GALNTL6: variants seen among roughly 807,000 people sequenced by gnomAD.
The protein encoded by GALNTL6 is polypeptide N-acetylgalactosaminyltransferase like 6, also known as polypeptide N-acetylgalactosaminyltransferase-like 6.
GALNTL6 carries 46 observed loss-of-function variants against 73.7 expected under a neutral mutation model. The observed-to-expected ratio is 0.62, with a 90% CI of 0.49 to 0.80. GALNTL6 has a LOEUF of 0.80. GALNTL6 is among the 30% of genes least tolerant of loss of function. The pLI is 0.00. For missense variants in GALNTL6, 604 were observed against 755.0 expected (o/e 0.80, Z 2.34); for synonymous variants, 259 against 263.7 (o/e 0.98, Z 0.17).
chr4:172,401,517 T>G (rs1428951746), intron 5 of GALNTL6, among the ~76,000 whole-genome samples: 1 of 152,264 alleles, frequency 6.6e-6, no homozygotes, highest in South Asian at 2.1e-4. Context: ...CATAAAAAAT[T>G]TCCCAGTCAC....
intron 5 of GALNTL6, among the ~76,000 whole-genome samples, chr4:172,369,571 G>A (rs1013935556): frequency 1.3e-5 from 2 of 152,204 alleles, no homozygotes; most frequent in Non-Finnish European, 2.9e-5. Flanking sequence ...ACCCTGGGGG[G>A]CGGGGCTTGG....
At chr4:172,724,779 A>T (rs2118442) in intron 5 of GALNTL6, among the ~76,000 whole-genome samples, 67,286 of 152,086 alleles carry the variant, frequency 0.44, 17,540 homozygotes, top group East Asian at 0.68. Context: ...AATAGAAATG[A>T]TTCAGAAACC....
chr4:172,685,948 T>C (rs1456692322), intron 5 of GALNTL6, among the ~76,000 whole-genome samples: 1 of 152,110 alleles, frequency 6.6e-6, no homozygotes, highest in Non-Finnish European at 1.5e-5. Flanking sequence ...AAGTTAGATA[T>C]TAAACATAAG....
At chr4:172,717,361 C>G (rs972769399) in intron 5 of GALNTL6, among the ~76,000 whole-genome samples, 2 of 152,146 alleles carry the variant, frequency 1.3e-5, no homozygotes, top group Non-Finnish European at 2.9e-5. Context: ...CAAATTTGAT[C>G]TTTATTAAAC....
intron 8 of GALNTL6, among the ~76,000 whole-genome samples, chr4:172,905,508 G>T (rs555807267): frequency 4.5e-4 from 68 of 152,112 alleles, no homozygotes; most frequent in Non-Finnish European, 8.8e-4. Flanking sequence ...TAGTTCTAAA[G>T]AACAAATTCA....
intron 2 of GALNTL6, among the ~76,000 whole-genome samples, chr4:172,178,398 T>C (rs913340467): frequency 6.6e-6 from 1 of 152,172 alleles, no homozygotes; most frequent in African/African-American, 2.4e-5. Context: ...TAGGCTTTTC[T>C]TCTAATGCTG....
At chr4:172,039,976 C>T (rs1384672137) in intron 2 of GALNTL6, among the ~76,000 whole-genome samples, 1 of 151,960 alleles carries the variant, frequency 6.6e-6, no homozygotes, top group Non-Finnish European at 1.5e-5. Flanking sequence ...AAAAATATTG[C>T]AATCCATATA....
intron 5 of GALNTL6, among the ~76,000 whole-genome samples, chr4:172,409,093 G>C (rs1744340979): frequency 1.3e-5 from 2 of 151,944 alleles, no homozygotes; most frequent in Admixed American, 6.6e-5. Flanking sequence ...TACTCAAAAA[G>C]AAAATATTTG....
At chr4:171,920,787 C>T (rs1737762546) in intron 2 of GALNTL6, among the ~76,000 whole-genome samples, 1 of 152,014 alleles carries the variant, frequency 6.6e-6, no homozygotes, top group South Asian at 2.1e-4. Context: ...AAAATAACAC[C>T]CACTTAATAG....
intron 5 of GALNTL6, among the ~76,000 whole-genome samples, chr4:172,389,401 C>T (rs946267715): frequency 6.6e-6 from 1 of 151,814 alleles, no homozygotes; most frequent in Non-Finnish European, 1.5e-5. Flanking sequence ...TTTGTTCTTT[C>T]CAAAGATTAA....
chr4:172,522,789 C>T (rs1450215475), intron 5 of GALNTL6, among the ~76,000 whole-genome samples: 1 of 151,224 alleles, frequency 6.6e-6, no homozygotes, highest in African/African-American at 2.4e-5. Flanking sequence ...TTTCTTAATT[C>T]ATTGCATTAT....
chr4:172,020,079 A>G (rs1356943898), intron 2 of GALNTL6, among the ~76,000 whole-genome samples: 1 of 152,156 alleles, frequency 6.6e-6, no homozygotes, highest in African/African-American at 2.4e-5. Context: ...GAATCAATGA[A>G]TAAATTAAGA....
chr4:172,274,825 C>T (rs1158613008), intron 3 of GALNTL6, among the ~76,000 whole-genome samples: 1 of 152,148 alleles, frequency 6.6e-6, no homozygotes, highest in African/African-American at 2.4e-5. Context: ...TAATGCCTTA[C>T]ATTTTCATGT....
chr4:171,870,358 G>C (rs912090366), intron 2 of GALNTL6, among the ~76,000 whole-genome samples: 2 of 152,092 alleles, frequency 1.3e-5, no homozygotes, highest in East Asian at 3.9e-4. Context: ...ACACAAAGAG[G>C]CCTCTTCCAG....
chr4:172,356,404 G>C (rs1742160973), intron 5 of GALNTL6, among the ~76,000 whole-genome samples: 1 of 152,000 alleles, frequency 6.6e-6, no homozygotes, highest in South Asian at 2.1e-4. Flanking sequence ...AGCTCTTTTT[G>C]ATGTCTAAAT....
At position 172,557,837 on chromosome 4, in the gene GALNTL6, G is replaced by GT. The variant is rs147403478; in HGVS notation, c.553+209156dup. Among the ~76,000 whole-genome samples, 116 of 151,656 alleles carry GT rather than the reference G, an allele frequency of 7.6e-4. 3 individuals are homozygous for GT. Among genetic ancestry groups the GT allele is most frequent in the Non-Finnish European group, 4.1e-4 (28 of 67,844 alleles). ...CCACATTAGAAAAAGAAATCTAGGTGTTTTTTTTAAGATGTTAAGCATATA... is the reference window on the plus strand; with the variant it reads ...CCACATTAGAAAAAGAAATCTAGGTGTTTTTTTTTAAGATGTTAAGCATATA... On this transcript the variant is annotated intron_variant, in intron 5 of 12. Transcript: ENST00000506823.
chr4:171,939,341 A>G (rs948333075), intron 2 of GALNTL6, among the ~76,000 whole-genome samples: 41 of 152,066 alleles, frequency 2.7e-4, no homozygotes, highest in African/African-American at 8.4e-4. Context: ...AAAGTATTTC[A>G]TTAGAAAATT....
chr4:172,601,092 TGAG>T (rs1738036988), intron 5 of GALNTL6, among the ~76,000 whole-genome samples: 1 of 152,022 alleles, frequency 6.6e-6, no homozygotes, highest in African/African-American at 2.4e-5. Context: ...ATGAATATAA[TGAG>T]GAGAGAAATA....
chr4:172,727,235 A>G (rs1735869170), intron 5 of GALNTL6, among the ~76,000 whole-genome samples: 1 of 152,202 alleles, frequency 6.6e-6, no homozygotes, highest in African/African-American at 2.4e-5. Context: ...TTTAAGAAAT[A>G]ACGCTGTAGT....
Sources: allele counts gnomAD v4.1 joint callset (sites outside exome capture counted in the v4.1 genomes callset), GRCh38; gene constraint gnomAD v4.1.1; transcripts MANE v1.5; gene names NCBI Gene and HGNC (gene_info 2026-07-23, HGNC 2026-07-21).